Variants in SNED1 observed in about 807,000 individuals in gnomAD.
SNED1 encodes the protein sushi, nidogen and EGF like domains 1.
A neutral mutation model predicts 166.7 loss-of-function variants in SNED1; 81 were observed. The ratio of observed to expected loss-of-function variants is 0.49; its 90% confidence interval spans 0.41 to 0.58. The LOEUF (loss-of-function observed/expected upper bound fraction) is 0.58, where lower values mean the gene tolerates loss of function less well. Ranked by LOEUF, SNED1 falls within the 20% of genes least tolerant of loss-of-function variation. The pLI, the probability that SNED1 is intolerant of heterozygous loss-of-function variation, is 0.00. For synonymous variants in SNED1, 762 were observed against 822.0 expected (o/e 0.93, Z 1.25); for missense variants, 1,604 against 2,000.2 (o/e 0.80, Z 3.78).
At position 241,049,053 on chromosome 2, in the gene SNED1, A is replaced by G; in HGVS notation, c.1536A>G (p.Thr512=). ...CAGCCATGCCCTGCAACATGAACAC[A>G]CAGTGCCCAGATGGGGGCTACTGCA... The part of the protein sequence containing the change: ...EITAMPCNMN[T]QCPDGGYCME... The change falls in exon 11 of 32, where the codon ACA becomes ACG. Residue 512 remains threonine, a synonymous_variant. Transcript: ENST00000310397. 6.2e-7 allele frequency: 1 copy of G among 1,613,460 alleles called. No individual in the cohort carries two copies. The highest frequency in any genetic ancestry group is 8.5e-7 in the Non-Finnish European group (1 of 1,179,664).
intron 8 of SNED1, among the ~76,000 whole-genome samples, chr2:241,042,700 G>GA (rs1231656187): frequency 8.5e-5 from 13 of 152,130 alleles, no homozygotes; most frequent in African/African-American, 3.1e-4. Flanking sequence ...TTGTAGAAAT[G>GA]AAAAATATAT....
At chr2:241,055,139 T>A (rs562079720) in intron 16 of SNED1, among the ~76,000 whole-genome samples, 2 of 151,818 alleles carry the variant, frequency 1.3e-5, no homozygotes, top group African/African-American at 4.8e-5. Flanking sequence ...GAAAAAATAT[T>A]TGTGCTGTAG....
chr2:241,064,848 T>C lies in SNED1; in HGVS notation c.2604T>C (p.Ser868=). ...SFFGYHCETV[S]DPCFSSPCGG... ...TGCCACTTTTTCTCCCCTCAGTGAG[T>C]GACCCCTGCTTCTCCAGCCCCTGTG... Residue 868 remains serine, a synonymous_variant, in exon 20 of 32, where the codon AGT becomes AGC. Transcript: ENST00000310397. This position sits in a 1 kb window ranked among gnomAD's most constrained non-coding sequence, Gnocchi z 7.0. 1 of 1,583,638 alleles carries C rather than the reference T, an allele frequency of 6.3e-7. No homozygotes were observed. The highest frequency in any genetic ancestry group is 1.2e-5 in the South Asian group (1 of 86,948).
rs2062578140 is a variant in SNED1 at position 241,068,791 on chromosome 2, A to G, written c.3195-120A>G. On this transcript the variant is annotated intron_variant, in intron 22 of 31. Transcript: ENST00000310397. This position sits in a 1 kb window ranked among gnomAD's most constrained non-coding sequence, Gnocchi z 5.3. ...GCCCCTCGTGGAGGTTGCCTGGGCC[A>G]CCAGCAGCAGGATGACCTCCCCGCA... is the stretch of plus-strand genomic sequence containing the variant. 1.5e-6 allele frequency: 1 copy of G among 680,918 alleles called. No individual in the cohort carries two copies. The highest frequency in any genetic ancestry group is 2.5e-6 in the Non-Finnish European group (1 of 397,268). The allele number at this position is 680,918 out of a possible 1,614,324, so 42.2% of individuals were successfully genotyped here. A position where few individuals can be genotyped will look rare whatever the true frequency, so the allele number is the denominator to read the frequency against.
chr2:241,053,364 C>T, intron 16 of SNED1, 38 bp downstream of exon 16: 2 of 1,523,526 alleles, frequency 1.3e-6, no homozygotes, highest in Non-Finnish European at 8.8e-7. Context: ...CAGGTGGGGC[C>T]CACACCCTCC....
intron 1 of SNED1, among the ~76,000 whole-genome samples, chr2:241,026,906 C>T (rs2060987519): frequency 6.6e-6 from 1 of 152,168 alleles, no homozygotes; most frequent in Non-Finnish European, 1.5e-5. Context: ...AGTCCCTATT[C>T]CCCTCTTCCT....
intron 29 of SNED1, 26 bp from the exon 30 acceptor site, chr2:241,087,366 T>C: frequency 6.4e-7 from 1 of 1,571,938 alleles, no homozygotes; most frequent in Middle Eastern, 1.7e-4. Context: ...ACTGTCTGGT[T>C]TTACAAAGCT....
intron 26 of SNED1, 157 bp downstream of exon 26, chr2:241,072,035 T>A (rs1409687634): frequency 2.7e-6 from 2 of 742,048 alleles, no homozygotes; most frequent in Admixed American, 2.0e-5. Flanking sequence ...GGCGCGGGGC[T>A]CGTGGGCCGC....
intron 3 of SNED1, among the ~76,000 whole-genome samples, chr2:241,034,113 C>G (rs1476022281): frequency 6.6e-6 from 1 of 152,200 alleles, no homozygotes; most frequent in Non-Finnish European, 1.5e-5. Context: ...CCCTGCAGTC[C>G]CCTTTAACAG....
chr2:241,063,571 C>T lies in SNED1; in HGVS notation c.2372-16C>T, dbSNP rs909843535. 21 of 1,541,704 alleles carry T rather than the reference C, an allele frequency of 1.4e-5. No individual in the cohort carries two copies. The highest frequency in any genetic ancestry group is 1.7e-5 in the Non-Finnish European group (19 of 1,124,054). On this transcript the variant is annotated splice_polypyrimidine_tract_variant and intron_variant, in intron 17 of 31. Coordinates refer to ENST00000310397, the MANE Select transcript of SNED1 (RefSeq NM_001080437.3). The stretch of plus-strand genomic sequence containing the variant: ...ACTTGAGCCAGCAACACCCTTGACA[C>T]CCCTTCTCTGTGCAGAGAGGGATGA...
chr2:241,006,574 C>G (rs2060227197), intron 1 of SNED1, among the ~76,000 whole-genome samples: 2 of 152,150 alleles, frequency 1.3e-5, no homozygotes, highest in African/African-American at 2.4e-5. Context: ...TCAAATGAAA[C>G]CTGTGGCTTT....
intron 18 of SNED1, 108 bp downstream of exon 18, chr2:241,063,808 A>G: frequency 2.6e-6 from 2 of 776,970 alleles, no homozygotes; most frequent in South Asian, 1.8e-5. Flanking sequence ...ACCTGGGGAG[A>G]GGGACCCCCA....
intron 3 of SNED1, 66 bp from the exon 4 acceptor site, chr2:241,034,502 G>T (rs2061284556): frequency 1.4e-6 from 2 of 1,420,902 alleles, no homozygotes; most frequent in Non-Finnish European, 1.9e-6. Context: ...GTGGGGGCAG[G>T]GTAACCCCCA....
At chr2:241,031,522 G>A (rs6751700) in intron 2 of SNED1, among the ~76,000 whole-genome samples, 35,794 of 152,260 alleles carry the variant, frequency 0.24, 5,367 homozygotes, top group Non-Finnish European at 0.35. Flanking sequence ...CATCTGCCCC[G>A]TGGGGTCACT....
At chr2:241,046,388 AC>A (rs955745506) in intron 8 of SNED1, among the ~76,000 whole-genome samples, 10 of 152,228 alleles carry the variant, frequency 6.6e-5, no homozygotes, top group African/African-American at 2.4e-4. Context: ...TAATCACCAA[AC>A]CCCAAAACTC....
chr2:241,067,535 C>T lies in SNED1; in HGVS notation c.3011-229C>T, dbSNP rs1194964534. On this transcript the variant is annotated intron_variant, in intron 21 of 31. Coordinates refer to ENST00000310397, the MANE Select transcript of SNED1 (RefSeq NM_001080437.3). ...TCTGGTAAGACGGGCTGGCCCACAG[C>T]GGGCTCTGCAGCCGTCATGCTCACA... is the stretch of plus-strand genomic sequence containing the variant. 5.9e-5 allele frequency among the ~76,000 whole-genome samples: 9 copies of T among 152,322 alleles called. No homozygotes were observed. The South Asian group carries it at 8.3e-4, about 14-fold the overall frequency.
rs775216217 is a variant in SNED1, at chr2:241,064,799, C to T, written c.2600-45C>T. 2 of 1,395,506 alleles carry T rather than the reference C, an allele frequency of 1.4e-6. No individual in the cohort carries two copies. The highest frequency in any genetic ancestry group is 1.9e-6 in the Non-Finnish European group (2 of 1,038,234). The allele number at this position is 1,395,506 out of a possible 1,614,324, so 86.4% of individuals were successfully genotyped here. On this transcript the variant is annotated intron_variant, in intron 19 of 31. Transcript: ENST00000310397. The surrounding 1 kb of genome is among the most constrained non-coding windows in gnomAD (Gnocchi z 7.0). ...GCAAGGGCGGGGCTGGAGCAGGGAC[C>T]CCTGGCCACGCCCCAACATACACTG...
intron 16 of SNED1, among the ~76,000 whole-genome samples, chr2:241,053,825 C>A (rs975770282): frequency 1.3e-5 from 2 of 152,218 alleles, no homozygotes; most frequent in African/African-American, 4.8e-5. Flanking sequence ...AGCCTAGAGA[C>A]AAGGCTCCCT....
At chr2:241,080,361 T>C (rs953932651) in intron 27 of SNED1, among the ~76,000 whole-genome samples, 1 of 152,208 alleles carries the variant, frequency 6.6e-6, no homozygotes, top group African/African-American at 2.4e-5. Flanking sequence ...ACTCATAATG[T>C]GTTTATTTTT....
Sources: allele counts gnomAD v4.1 joint callset (sites outside exome capture counted in the v4.1 genomes callset), GRCh38; gene constraint gnomAD v4.1.1; non-coding constraint Gnocchi (gnomAD v3.1); transcripts MANE v1.5; gene names NCBI Gene and HGNC (gene_info 2026-07-23, HGNC 2026-07-21).